CCDC110: variants seen among roughly 807,000 people sequenced by gnomAD.
CCDC110 encodes coiled-coil domain containing 110.
A neutral mutation model predicts 77.1 loss-of-function variants in CCDC110; 70 were observed. The observed-to-expected ratio is 0.91, with a 90% CI of 0.75 to 1.11. The LOEUF (loss-of-function observed/expected upper bound fraction) is 1.11. Among genes scored for constraint, CCDC110 ranks in the 50% least tolerant of loss-of-function variants. The pLI is 0.00. For synonymous variants in CCDC110, 295 were observed against 312.5 expected (o/e 0.94, Z 0.59); for missense variants, 868 against 942.9 (o/e 0.92, Z 1.04).
chr4:185,445,929 C>T (rs764795792), intron 6 of CCDC110, among the ~76,000 whole-genome samples: 4 of 152,138 alleles, frequency 2.6e-5, no homozygotes, highest in African/African-American at 4.8e-5. Context: ...ATAACCTCCA[C>T]CTCCCAGGTT....
chr4:185,458,185 T>C lies in CCDC110; in HGVS notation c.2402A>G (p.Asn801Ser). The change falls in exon 6 of 7, where the codon AAC (asparagine) becomes AGC (serine). Residue 801 changes from asparagine to serine, a missense_variant. Asn to Ser is a conservative substitution (Grantham distance 46). Transcript: ENST00000307588. ...ACTAGAAGTATCTTCGTGAGTATAG[T>C]TGTCAAAATGGAATTTCTCTCTTCT... ...ISRREKFHFDNYTHEDTSSPQ... is the reference protein window; with the variant it reads ...ISRREKFHFDSYTHEDTSSPQ... 1 of 1,604,328 alleles carries C rather than the reference T, an allele frequency of 6.2e-7. No individual in the cohort carries two copies. The highest frequency in any genetic ancestry group is 8.5e-7 in the Non-Finnish European group (1 of 1,177,476).
chr4:185,457,384 T>G, intron 6 of CCDC110: 1 of 451,014 alleles, frequency 2.2e-6, no homozygotes, highest in South Asian at 1.6e-5. Context: ...GTTTCTAAGC[T>G]CACTCTCTCC....
At chr4:185,455,884 C>CAA (rs34041481) in intron 6 of CCDC110, among the ~76,000 whole-genome samples, 20 of 147,980 alleles carry the variant, frequency 1.4e-4, no homozygotes, top group African/African-American at 3.2e-4. Context: ...GACTCCATCT[C>CAA]AAAAAAAAAA....
chr4:185,461,065 C>A lies in CCDC110; in HGVS notation c.332G>T (p.Arg111Leu), dbSNP rs186692677. 6.5e-7 allele frequency: 1 copy of A among 1,548,954 alleles called. No individual in the cohort carries two copies. Among genetic ancestry groups the A allele is most frequent in the Non-Finnish European group, 8.8e-7 (1 of 1,136,460 alleles). The change falls in exon 5 of 7, where the codon CGC (arginine) becomes CTC (leucine). Residue 111 changes from arginine to leucine, a missense_variant. Transcript: ENST00000307588. The stretch of plus-strand genomic sequence containing the variant: ...ATAACATACCAAATCCTTTTCAATG[C>A]GCGTGCCAAACACCAGATTTTTTTC... ...SSEKNLVFGT[R>L]IEKDLPTENQ...
intron 6 of CCDC110, among the ~76,000 whole-genome samples, chr4:185,450,621 C>T (rs1330458851): frequency 6.6e-6 from 1 of 151,806 alleles, no homozygotes; most frequent in Non-Finnish European, 1.5e-5. Context: ...GTGGCGTGTG[C>T]CTGTCATCCC....
At chr4:185,462,745 A>G (rs1276729117) in intron 3 of CCDC110, 37 bp from the exon 4 acceptor site, 2 of 1,522,390 alleles carry the variant, frequency 1.3e-6, no homozygotes, top group Non-Finnish European at 1.8e-6. Flanking sequence ...GAGTATTTTT[A>G]GGTAGGTAAA....
chr4:185,470,773 C>T, intron 2 of CCDC110, 172 bp downstream of exon 2: 1 of 701,010 alleles, frequency 1.4e-6, no homozygotes. Flanking sequence ...GAGAATTAAA[C>T]AGTTGATCCA....
intron 2 of CCDC110, among the ~76,000 whole-genome samples, chr4:185,467,761 A>G (rs1229636329): frequency 6.6e-6 from 1 of 152,238 alleles, no homozygotes; most frequent in Non-Finnish European, 1.5e-5. Context: ...AGGAACCAAT[A>G]CATTCTGAAA....
At chr4:185,453,543 CTT>C (rs70962570) in intron 6 of CCDC110, among the ~76,000 whole-genome samples, 28 of 130,896 alleles carry the variant, frequency 2.1e-4, no homozygotes, top group South Asian at 2.4e-4. Flanking sequence ...CACAGTCTTG[CTT>C]TTTTTTTTTT....
At position 185,460,226 on chromosome 4, in the gene CCDC110, G is replaced by C; in HGVS notation, c.361C>G (p.Gln121Glu). Residue 121 changes from glutamine (Q) to glutamate (E), a missense_variant, in exon 6 of 7, where the codon CAA (glutamine) becomes GAA (glutamate). Gln to Glu is a conservative substitution (Grantham distance 29, BLOSUM62 2). Coordinates refer to ENST00000307588, the MANE Select transcript of CCDC110 (RefSeq NM_152775.4). ...RIEKDLPTENQEENLSMEKSH... is the reference protein window; with the variant it reads ...RIEKDLPTENEEENLSMEKSH... ...TTCTCCATAGAAAGGTTTTCTTCTTGATTCTCTGTAGGCTGTAACAATAAG... is the reference window on the plus strand; with the variant it reads ...TTCTCCATAGAAAGGTTTTCTTCTTCATTCTCTGTAGGCTGTAACAATAAG... 1 of 1,601,314 alleles carries C rather than the reference G, an allele frequency of 6.2e-7. No individual in the cohort carries two copies. Among genetic ancestry groups the C allele is most frequent in the South Asian group, 1.1e-5 (1 of 90,224 alleles).
Position 185,458,926 on chromosome 4 carries a change from T to C in CCDC110, c.1661A>G (p.Gln554Arg), listed in dbSNP as rs2095640754. 6.2e-7 allele frequency: 1 copy of C among 1,608,638 alleles called. No homozygotes were observed. Among genetic ancestry groups the C allele is most frequent in the Non-Finnish European group, 8.5e-7 (1 of 1,178,698 alleles). The change falls in exon 6 of 7, where the codon CAA (glutamine) becomes CGA (arginine). Residue 554 changes from glutamine (Q) to arginine (R), a missense_variant. Gln to Arg is a conservative substitution (Grantham distance 43). Coordinates refer to ENST00000307588, the MANE Select transcript of CCDC110 (RefSeq NM_152775.4). ...DQLKSKEHKT[Q>R]SDMAIVNNEN... ...ATTATTTACAATGGCCATATCACTT[T>C]GAGTTTTGTGTTCCTTACTTTTTAG... is the stretch of plus-strand genomic sequence containing the variant.
At chr4:185,450,035 A>G (rs1391023958) in intron 6 of CCDC110, among the ~76,000 whole-genome samples, 2 of 152,188 alleles carry the variant, frequency 1.3e-5, no homozygotes, top group African/African-American at 4.8e-5. Context: ...AGTATTGAAA[A>G]TTGGATTGAT....
chr4:185,467,525 A>G (rs762215885), intron 2 of CCDC110, among the ~76,000 whole-genome samples: 3 of 152,212 alleles, frequency 2.0e-5, no homozygotes, highest in Non-Finnish European at 4.4e-5. Flanking sequence ...AGCGGAAGGC[A>G]TGGTCCCACC....
chr4:185,454,439 C>T (rs562861733), intron 6 of CCDC110, among the ~76,000 whole-genome samples: 6 of 151,928 alleles, frequency 3.9e-5, no homozygotes, highest in East Asian at 2.0e-4. Context: ...AATTGTCGGG[C>T]GTGGTGGCTC....
chr4:185,463,212 C>T (rs1020156750), intron 2 of CCDC110, among the ~76,000 whole-genome samples, 163 bp from the exon 3 acceptor site: 1 of 152,176 alleles, frequency 6.6e-6, no homozygotes, highest in African/African-American at 2.4e-5. Context: ...AGTGATAATT[C>T]TCGCTTGACT....
At chr4:185,445,911 G>A (rs902145716) in intron 6 of CCDC110, among the ~76,000 whole-genome samples, 3 of 151,848 alleles carry the variant, frequency 2.0e-5, no homozygotes, top group South Asian at 2.1e-4. Flanking sequence ...GCGTGATCTC[G>A]GCCCACCATA....
chr4:185,458,382 G>A lies in CCDC110; in HGVS notation c.2205C>T (p.Ser735=), dbSNP rs111673510. 960 of 1,593,130 alleles carry A rather than the reference G, an allele frequency of 6.0e-4. 9 individuals carry two copies. In the African/African-American group the frequency reaches 0.011, roughly 19 times the overall value. ...TTTTGTCTTCAGTAAGTCTACTGATGCTGTTTTCAAATTTTATATTTTCTT... is the reference window on the plus strand; with the variant it reads ...TTTTGTCTTCAGTAAGTCTACTGATACTGTTTTCAAATTTTATATTTTCTT... ...HSQENIKFEN[S]ISRLTEDKIL... The change falls in exon 6 of 7, where the codon AGC becomes AGT. Residue 735 remains serine, a synonymous_variant. Coordinates refer to ENST00000307588, the MANE Select transcript of CCDC110 (RefSeq NM_152775.4).
intron 4 of CCDC110, among the ~76,000 whole-genome samples, chr4:185,462,364 C>T (rs1026614952): frequency 9.2e-5 from 14 of 152,180 alleles, no homozygotes; most frequent in Admixed American, 8.5e-4. Context: ...GACTTCATGT[C>T]ACCTATAATG....
At chr4:185,451,224 T>C (rs531972746) in intron 6 of CCDC110, among the ~76,000 whole-genome samples, 2 of 137,746 alleles carry the variant, frequency 1.5e-5, no homozygotes, top group East Asian at 2.9e-4. Flanking sequence ...AAACCTCTTT[T>C]TCTTTATAAA....
Sources: gnomAD v4.1 joint callset for allele counts (sites outside exome capture counted in the v4.1 genomes callset) on GRCh38, gnomAD v4.1.1 for gene constraint, MANE v1.5 for transcripts, NCBI Gene and HGNC (gene_info 2026-07-23, HGNC 2026-07-21) for gene names.